The following ZBBX variants were observed in gnomAD, a reference collection of about 807,000 sequenced individuals.
The protein encoded by ZBBX is zinc finger B-box domain containing, also known as zinc finger B-box domain-containing protein 1.
A neutral mutation model predicts 108.5 loss-of-function variants in ZBBX; 101 were observed. The ratio of observed to expected loss-of-function variants is 0.93; its 90% CI spans 0.79 to 1.10. The LOEUF (loss-of-function observed/expected upper bound fraction) is 1.10. Among genes scored for constraint, ZBBX ranks in the 50% least tolerant of loss-of-function variants. ZBBX has a pLI of 0.00. For missense variants in ZBBX, 1,009 were observed against 941.4 expected (o/e 1.07, Z -0.94); for synonymous variants, 356 against 323.4 (o/e 1.10, Z -1.08).
At position 167,298,354 on chromosome 3, in the gene ZBBX, A is replaced by G. The variant is rs754103937; in HGVS notation, c.1830T>C (p.Pro610=). 1.2e-6 allele frequency: 2 copies of G among 1,601,636 alleles called. No individual in the cohort carries two copies. The highest frequency in any genetic ancestry group is 1.7e-6 in the Non-Finnish European group (2 of 1,174,066). Residue 610 remains proline (P), a synonymous_variant, in exon 18 of 22, where the codon CCT becomes CCC. Transcript: ENST00000675490. ...AATTGTTGCATTCTAAACGATGAGA[A>G]GGAAGTAAGTTGAGTCTTTCATTTG... ...FDTNERLNLL[P]SHRLECNNSS...
chr3:167,294,847 A>G (rs1731340859), intron 18 of ZBBX, among the ~76,000 whole-genome samples: 1 of 152,188 alleles, frequency 6.6e-6, no homozygotes, highest in Non-Finnish European at 1.5e-5. Context: ...ATTTACAAGA[A>G]AAAAACAAAC....
intron 9 of ZBBX, among the ~76,000 whole-genome samples, chr3:167,348,368 G>GA (rs1222677422): frequency 1.8e-5 from 2 of 111,584 alleles, no homozygotes; most frequent in South Asian, 2.8e-4. Flanking sequence ...AAGAAAGAAA[G>GA]AAAAAAAAGA....
At chr3:167,367,901 C>T (rs1396706133) in intron 5 of ZBBX, among the ~76,000 whole-genome samples, 2 of 147,984 alleles carry the variant, frequency 1.4e-5, no homozygotes, top group African/African-American at 2.5e-5. Flanking sequence ...AAAATTTCAG[C>T]TAACCAGCAT....
At chr3:167,339,456 C>T (rs1453275564) in intron 9 of ZBBX, among the ~76,000 whole-genome samples, 1 of 152,100 alleles carries the variant, frequency 6.6e-6, no homozygotes, top group Non-Finnish European at 1.5e-5. Flanking sequence ...AAGTGAATTA[C>T]TACTGGGAAC....
the ZBBX span, among the ~76,000 whole-genome samples, chr3:167,207,489 A>G: frequency 1.3e-5 from 2 of 152,304 alleles, no homozygotes; most frequent in South Asian, 2.1e-4. Context: ...TCTTGTGGCT[A>G]TATACCCAAA....
chr3:167,332,745 T>G (rs1410158539), intron 10 of ZBBX, among the ~76,000 whole-genome samples: 1 of 152,176 alleles, frequency 6.6e-6, no homozygotes, highest in East Asian at 1.9e-4. Flanking sequence ...AAGAAGAAAC[T>G]TTTAAAACCA....
chr3:167,358,115 T>C (rs570115922), intron 8 of ZBBX, among the ~76,000 whole-genome samples: 2 of 151,884 alleles, frequency 1.3e-5, no homozygotes, highest in South Asian at 4.1e-4. Context: ...CATGTATACA[T>C]ATGTAACTAA....
At chr3:167,276,253 C>A (rs559539486) in intron 20 of ZBBX, among the ~76,000 whole-genome samples, 3 of 152,182 alleles carry the variant, frequency 2.0e-5, no homozygotes, top group Non-Finnish European at 4.4e-5. Context: ...ATGACTTTGA[C>A]GAGCTGAGAG....
chr3:167,348,320 G>GAAAGAA lies in ZBBX; in HGVS notation c.528+2094_528+2099dup, dbSNP rs1346100921. On this transcript the variant is annotated intron_variant, in intron 9 of 21. Transcript: ENST00000675490. Reference sequence around the variant, plus strand: ...GAAGAAAGAGAGAAAGAAAGAGAAAGAAAGAAAGAAAGAAAGAAAGAAAGA... The same window carrying GAAAGAA: ...GAAGAAAGAGAGAAAGAAAGAGAAAGAAAGAAAAAGAAAGAAAGAAAGAAAGAAAGA... Among the ~76,000 whole-genome samples the GAAAGAA allele has an allele frequency of 1.1e-3, 81 of 73,330 alleles. 4 individuals carry two copies. Among genetic ancestry groups the GAAAGAA allele is most frequent in the South Asian group, 4.7e-4 (1 of 2,136 alleles). The allele number at this position is 73,330 out of a possible 152,430, so 48.1% of individuals were successfully genotyped here. A position where few individuals can be genotyped will look rare whatever the true frequency, so the allele number is the denominator to read the frequency against.
intron 20 of ZBBX, among the ~76,000 whole-genome samples, chr3:167,270,325 G>A (rs896543187): frequency 3.3e-5 from 5 of 152,142 alleles, no homozygotes; most frequent in Non-Finnish European, 7.3e-5. Flanking sequence ...GGATTAGTTG[G>A]ATACTGCCGC....
chr3:167,350,388 CACT>C, intron 9 of ZBBX, 29 bp downstream of exon 9: 1 of 1,507,040 alleles, frequency 6.6e-7, no homozygotes, highest in Non-Finnish European at 9.1e-7. Flanking sequence ...TTTATAAACA[CACT>C]ACAAGTAAAT....
chr3:167,301,201 T>G (rs1446245461), intron 17 of ZBBX, among the ~76,000 whole-genome samples: 1 of 152,204 alleles, frequency 6.6e-6, no homozygotes, highest in African/African-American at 2.4e-5. Context: ...AATAGAGTAG[T>G]ATGCATTAAC....
chr3:167,256,261 A>G (rs1723491712), intron 20 of ZBBX, among the ~76,000 whole-genome samples: 1 of 152,152 alleles, frequency 6.6e-6, no homozygotes, highest in Non-Finnish European at 1.5e-5. Flanking sequence ...CAGTGCTGTA[A>G]CAAACATAAG....
At chr3:167,282,117 A>G in intron 20 of ZBBX, 121 bp downstream of exon 20, 1 of 1,086,044 alleles carries the variant, frequency 9.2e-7, no homozygotes, top group Non-Finnish European at 1.3e-6. Flanking sequence ...GTTGATGGTT[A>G]AAGAAGAAAA....
intron 10 of ZBBX, among the ~76,000 whole-genome samples, chr3:167,328,856 C>T (rs556491315): frequency 1.8e-4 from 27 of 152,192 alleles, no homozygotes; most frequent in Non-Finnish European, 3.2e-4. Flanking sequence ...AACTAATAGG[C>T]CCCCTTTCCC....
At chr3:167,229,209 G>A in the ZBBX span, among the ~76,000 whole-genome samples, 2 of 151,712 alleles carry the variant, frequency 1.3e-5, no homozygotes, top group South Asian at 2.1e-4. Flanking sequence ...TTTCTGCTAC[G>A]TAAGTTTTGT....
At chr3:167,197,736 A>G in the ZBBX span, among the ~76,000 whole-genome samples, 2 of 152,210 alleles carry the variant, frequency 1.3e-5, no homozygotes, top group African/African-American at 4.8e-5. Flanking sequence ...TATTTTATTT[A>G]AAAAATTAAG....
intron 1 of ZBBX, among the ~76,000 whole-genome samples, chr3:167,398,355 T>C (rs1748314681): frequency 6.6e-6 from 1 of 152,088 alleles, no homozygotes; most frequent in Non-Finnish European, 1.5e-5. Context: ...CTACAACAAA[T>C]ATAAAAAGGC....
chr3:167,207,396 C>T, the ZBBX span, among the ~76,000 whole-genome samples: 1 of 152,172 alleles, frequency 6.6e-6, no homozygotes, highest in Non-Finnish European at 1.5e-5. Context: ...GTCCCCTCCA[C>T]TTGAAATATT....
Sources: allele counts gnomAD v4.1 joint callset (sites outside exome capture counted in the v4.1 genomes callset), GRCh38; gene constraint gnomAD v4.1.1; transcripts MANE v1.5; gene names NCBI Gene and HGNC (gene_info 2026-07-23, HGNC 2026-07-21).